The following PRKACB variants were observed in gnomAD, a reference collection of about 807,000 sequenced individuals.
PRKACB encodes the protein protein kinase cAMP-activated catalytic subunit beta, also known as cAMP-dependent protein kinase catalytic subunit beta.
A neutral mutation model predicts 51.4 loss-of-function variants in PRKACB; 16 were observed. The observed-to-expected ratio is 0.31, with a 90% CI of 0.21 to 0.47. The LOEUF (loss-of-function observed/expected upper bound fraction) is 0.47, where lower values mean the gene tolerates loss of function less well. Ranked by LOEUF, PRKACB falls within the 20% of genes least tolerant of loss-of-function variation. The pLI is 1.00. For missense variants in PRKACB, 309 were observed against 464.5 expected (o/e 0.67, Z 3.08); for synonymous variants, 147 against 154.4 (o/e 0.95, Z 0.35).
chr1:84,100,541 C>G (rs1649272370), intron 1 of PRKACB, among the ~76,000 whole-genome samples: 1 of 152,128 alleles, frequency 6.6e-6, no homozygotes, highest in Admixed American at 6.6e-5. Flanking sequence ...TAAGATCACA[C>G]ATTTAATGGC....
In PRKACB at chr1:84,182,931, C is replaced by A. The variant is rs772553307; in HGVS notation, c.378+603C>A. Among the ~76,000 whole-genome samples the A allele has an allele frequency of 1.0e-3, 156 of 152,056 alleles. 1 individual carries two copies. Among genetic ancestry groups the A allele is most frequent in the Non-Finnish European group, 1.7e-3 (118 of 67,942 alleles). On this transcript the variant is annotated intron_variant, in intron 3 of 9. Transcript: ENST00000370685. ...GTAGTGATCCAACCACTTCATGTTA[C>A]AAATTTTGAAAACCTGAGGCCCAAA...
intron 1 of PRKACB, among the ~76,000 whole-genome samples, chr1:84,166,301 T>C (rs533514536): frequency 6.6e-6 from 1 of 151,752 alleles, no homozygotes; most frequent in Non-Finnish European, 1.5e-5. Context: ...CTGGTTGTCA[T>C]ACATATATTT....
intron 9 of PRKACB, among the ~76,000 whole-genome samples, chr1:84,223,539 T>A (rs1225698087): frequency 6.6e-6 from 1 of 151,976 alleles, no homozygotes; most frequent in Non-Finnish European, 1.5e-5. Context: ...CCGGCTAATT[T>A]TTTGTATTTT....
intron 1 of PRKACB, among the ~76,000 whole-genome samples, chr1:84,095,171 A>G (rs1484745042): frequency 6.6e-6 from 1 of 151,508 alleles, no homozygotes; most frequent in African/African-American, 2.4e-5. Context: ...GTGACACATG[A>G]CTGTATTTAA....
chr1:84,190,292 A>G (rs940506833), intron 5 of PRKACB, among the ~76,000 whole-genome samples: 1 of 151,912 alleles, frequency 6.6e-6, no homozygotes, highest in Admixed American at 6.6e-5. Flanking sequence ...AATTTAATAT[A>G]ACATAACTGT....
upstream of PRKACB, among the ~76,000 whole-genome samples, chr1:84,139,291 A>G (rs1400443461): frequency 2.6e-5 from 4 of 152,188 alleles, no homozygotes; most frequent in Admixed American, 2.6e-4. Context: ...CAAGAAATCT[A>G]TAAAAAGAAA....
intron 1 of PRKACB, chr1:84,164,360 T>A: frequency 6.4e-7 from 1 of 1,557,658 alleles, no homozygotes; most frequent in Non-Finnish European, 8.7e-7. Context: ...CTGGTGTAAT[T>A]GAAAGACGTT....
chr1:84,092,100 G>A (rs948991372), intron 1 of PRKACB, among the ~76,000 whole-genome samples: 3 of 152,184 alleles, frequency 2.0e-5, no homozygotes, highest in Non-Finnish European at 4.4e-5. Flanking sequence ...TTTAATTGAA[G>A]TATACCATAC....
At chr1:84,161,620 C>G (rs975319920) in intron 1 of PRKACB, among the ~76,000 whole-genome samples, 6 of 151,510 alleles carry the variant, frequency 4.0e-5, no homozygotes, top group African/African-American at 1.5e-4. Flanking sequence ...AAGGCATTTT[C>G]TTAATATTTC....
At chr1:84,233,253 C>T (rs1247263775) in intron 9 of PRKACB, among the ~76,000 whole-genome samples, 1 of 152,112 alleles carries the variant, frequency 6.6e-6, no homozygotes, top group Admixed American at 6.5e-5. Context: ...CCACTCTCTT[C>T]TGGCTTGTAG....
intron 9 of PRKACB, among the ~76,000 whole-genome samples, chr1:84,224,661 T>G (rs1466344746): frequency 6.6e-6 from 1 of 152,002 alleles, no homozygotes; most frequent in Non-Finnish European, 1.5e-5. Flanking sequence ...CCCTCAATGG[T>G]GCACGTGGGC....
At chr1:84,104,573 G>A (rs934500323) in intron 1 of PRKACB, among the ~76,000 whole-genome samples, 1 of 152,008 alleles carries the variant, frequency 6.6e-6, no homozygotes, top group Non-Finnish European at 1.5e-5. Context: ...CATAATGGCT[G>A]TACTAATTTA....
chr1:84,205,029 A>G (rs1671118411), intron 8 of PRKACB: 7 of 983,234 alleles, frequency 7.1e-6, no homozygotes, highest in Non-Finnish European at 8.5e-6. Flanking sequence ...GAATGACACC[A>G]GAAAACCTTA....
At chr1:84,194,142 T>A (rs1667559236) in intron 5 of PRKACB, among the ~76,000 whole-genome samples, 1 of 152,138 alleles carries the variant, frequency 6.6e-6, no homozygotes, top group East Asian at 1.9e-4. Flanking sequence ...TCAAGCAGAA[T>A]CCTCATATTG....
chr1:84,198,593 A>C (rs1668860193), intron 7 of PRKACB, among the ~76,000 whole-genome samples: 1 of 152,052 alleles, frequency 6.6e-6, no homozygotes, highest in Non-Finnish European at 1.5e-5. Context: ...TAACTTCTTG[A>C]TATTTTATAA....
At chr1:84,114,157 T>C (rs1650446527) in intron 1 of PRKACB, among the ~76,000 whole-genome samples, 1 of 152,126 alleles carries the variant, frequency 6.6e-6, no homozygotes, top group Non-Finnish European at 1.5e-5. Context: ...GAACATGATG[T>C]CCATTATTGA....
intron 1 of PRKACB, among the ~76,000 whole-genome samples, chr1:84,108,251 C>T (rs1649942596): frequency 6.6e-6 from 1 of 151,942 alleles, no homozygotes; most frequent in Middle Eastern, 3.2e-3. Flanking sequence ...CATGTTCTCA[C>T]TTATAAGTGG....
intron 1 of PRKACB, among the ~76,000 whole-genome samples, chr1:84,121,125 G>A (rs1400570524): frequency 1.3e-5 from 2 of 151,770 alleles, no homozygotes; most frequent in African/African-American, 4.8e-5. Context: ...ATATTCTCTT[G>A]ATTAATTACA....
chr1:84,238,329 C>T lies in PRKACB; in HGVS notation c.*3024C>T, dbSNP rs557828879. The T allele has an allele frequency of 1.3e-5, 2 of 152,634 alleles. No individual in the cohort carries two copies. The allele number at this position is 152,634 out of a possible 1,614,324, so 9.5% of individuals were successfully genotyped here. On this transcript the variant is annotated 3_prime_UTR_variant, in exon 10 of 10. Coordinates refer to ENST00000370685, the MANE Select transcript of PRKACB (RefSeq NM_182948.4). ...AATGTATGTGAAAGCACCTTGTAAA[C>T]TGTAACCTATCAATGTAAAATGTTA...
Sources: allele counts gnomAD v4.1 joint callset (sites outside exome capture counted in the v4.1 genomes callset), GRCh38; gene constraint gnomAD v4.1.1; transcripts MANE v1.5; gene names NCBI Gene and HGNC (gene_info 2026-07-23, HGNC 2026-07-21).